Variants in IKBIP observed in about 807,000 individuals in gnomAD.
The protein encoded by IKBIP is inhibitor of nuclear factor kappa-B kinase-interacting protein.
IKBIP carries 28 observed loss-of-function variants against 31.0 expected under a neutral mutation model. The observed-to-expected ratio is 0.90, with a 90% CI of 0.67 to 1.24. The LOEUF (loss-of-function observed/expected upper bound fraction) is 1.24. IKBIP is among the 50% of genes most tolerant of loss of function. The pLI is 0.00. For missense variants in IKBIP, 453 were observed against 441.9 expected (o/e 1.03, Z -0.23); for synonymous variants, 164 against 160.3 (o/e 1.02, Z -0.17).
chr12:98,641,389 T>C (rs1294332348), intron 1 of IKBIP, among the ~76,000 whole-genome samples: 1 of 152,224 alleles, frequency 6.6e-6, no homozygotes, highest in Non-Finnish European at 1.5e-5. Context: ...CGTGTTTTAG[T>C]GGTAAAGATC....
chr12:98,635,718 GT>G (rs1201306260), intron 1 of IKBIP, among the ~76,000 whole-genome samples: 15 of 152,336 alleles, frequency 9.8e-5, no homozygotes, highest in African/African-American at 3.6e-4. Flanking sequence ...ATGTAGAAGA[GT>G]TGACTGATAA....
At chr12:98,640,258 A>C (rs1038613375) in intron 1 of IKBIP, among the ~76,000 whole-genome samples, 2 of 152,136 alleles carry the variant, frequency 1.3e-5, no homozygotes, top group Non-Finnish European at 2.9e-5. Flanking sequence ...CCAATGGAGA[A>C]ACCCTGTCTC....
At chr12:98,613,794 G>C in exon 3 of IKBIP, 1 of 1,610,392 alleles carries the variant, frequency 6.2e-7, no homozygotes, top group Non-Finnish European at 8.5e-7. Context: ...TACACCTTTG[G>C]TTTTAGATCA....
chr12:98,634,988 C>T lies in IKBIP; in HGVS notation c.180-575G>A, dbSNP rs565779551. Among the ~76,000 whole-genome samples, 327 of 150,914 alleles carry T rather than the reference C, an allele frequency of 2.2e-3. 3 individuals are homozygous for T. The highest frequency in any genetic ancestry group is 0.012 in the South Asian group (55 of 4,762). Reference sequence around the variant, plus strand: ...CCTCCCAAAGTGCTGGGATTACAGGCGTGAGCCACCACGCCCGGTATTTTT... The same window carrying T: ...CCTCCCAAAGTGCTGGGATTACAGGTGTGAGCCACCACGCCCGGTATTTTT... On this transcript the variant is annotated intron_variant, in intron 1 of 2. Transcript: ENST00000299157.
chr12:98,635,208 T>C (rs1266280708), intron 1 of IKBIP, among the ~76,000 whole-genome samples: 1 of 151,666 alleles, frequency 6.6e-6, no homozygotes, highest in African/African-American at 2.4e-5. Context: ...GGTTTCACCA[T>C]GTTGGCTAGG....
At chr12:98,637,386 A>T (rs79463079) in intron 1 of IKBIP, among the ~76,000 whole-genome samples, 11,127 of 152,254 alleles carry the variant, frequency 0.073, 558 homozygotes, top group East Asian at 0.21. Flanking sequence ...TTCATTTAAC[A>T]TTAAAGAAGA....
At chr12:98,630,357 TG>T (rs200631262) in intron 2 of IKBIP, among the ~76,000 whole-genome samples, 1,058 of 104,898 alleles carry the variant, frequency 0.01, 11 homozygotes, top group African/African-American at 0.04. Context: ...CACTCCAGCC[TG>T]GGCAACAAGA....
intron 1 of IKBIP, among the ~76,000 whole-genome samples, chr12:98,643,737 A>C (rs991718802): frequency 2.8e-4 from 42 of 152,234 alleles, no homozygotes; most frequent in African/African-American, 9.9e-4. Flanking sequence ...TAATGCATGC[A>C]CGGTGATCAA....
intron 2 of IKBIP, among the ~76,000 whole-genome samples, chr12:98,629,434 C>A (rs1405902608): frequency 6.6e-6 from 1 of 152,054 alleles, no homozygotes; most frequent in African/African-American, 2.4e-5. Flanking sequence ...TGGTGTGCGC[C>A]TGTAGTCCCA....
chr12:98,619,231 T>C (rs1223211988), intron 2 of IKBIP, among the ~76,000 whole-genome samples: 1 of 152,238 alleles, frequency 6.6e-6, no homozygotes, highest in Non-Finnish European at 1.5e-5. Flanking sequence ...GTGTATTTGA[T>C]GAAACAATCT....
At chr12:98,635,256 G>A (rs1214414057) in intron 1 of IKBIP, among the ~76,000 whole-genome samples, 2 of 151,992 alleles carry the variant, frequency 1.3e-5, no homozygotes, top group Non-Finnish European at 2.9e-5. Flanking sequence ...TGCCCGCCTT[G>A]GCCTCCCAAA....
intron 2 of IKBIP, 63 bp downstream of exon 2, chr12:98,634,233 A>C: frequency 2.5e-6 from 2 of 785,920 alleles, no homozygotes; most frequent in Non-Finnish European, 2.2e-6. Context: ...GAGCTGGGAT[A>C]GAGAAATGAT....
intron 2 of IKBIP, among the ~76,000 whole-genome samples, chr12:98,631,789 C>A (rs1017695963): frequency 1.6e-4 from 21 of 133,776 alleles, no homozygotes; most frequent in Admixed American, 4.4e-4. Flanking sequence ...TGACCTCCCC[C>A]ACAAAAAAAA....
chr12:98,627,660 G>A (rs60605049), intron 2 of IKBIP, among the ~76,000 whole-genome samples: 59 of 151,918 alleles, frequency 3.9e-4, no homozygotes, highest in African/African-American at 1.3e-3. Context: ...GGATGGTCTC[G>A]ATCCCCTGAC....
At chr12:98,638,069 G>A (rs1297800681) in intron 1 of IKBIP, among the ~76,000 whole-genome samples, 5 of 152,104 alleles carry the variant, frequency 3.3e-5, no homozygotes, top group Non-Finnish European at 5.9e-5. Flanking sequence ...TCAAGTAGAA[G>A]GAAGAAAAGA....
chr12:98,628,662 G>A (rs2097617069), intron 2 of IKBIP, among the ~76,000 whole-genome samples: 1 of 152,188 alleles, frequency 6.6e-6, no homozygotes, highest in Non-Finnish European at 1.5e-5. Flanking sequence ...GGTTCACTCT[G>A]TGCCAGCCTT....
Position 98,626,703 on chromosome 12 carries a change from C to T in IKBIP, c.361G>A (p.Glu121Lys). The T allele has an allele frequency of 6.2e-7, 1 of 1,613,820 alleles. No homozygotes were observed. The highest frequency in any genetic ancestry group is 1.1e-5 in the South Asian group (1 of 91,000). The change falls in exon 3 of 3, where the codon GAG becomes AAG. Residue 121 changes from glutamate to lysine, a missense_variant. Coordinates refer to ENST00000299157, the MANE Select transcript of IKBIP (RefSeq NM_153687.4). ...TCTTGGAGGTTGGATACTTCCTGCT[C>T]AAACTGGGTCATCAAAGACATGGAT... ...TSSMSLMTQF[E>K]QEVSNLQDIM...
intron 1 of IKBIP, among the ~76,000 whole-genome samples, chr12:98,636,117 C>T (rs1461700066): frequency 6.6e-6 from 1 of 152,210 alleles, no homozygotes; most frequent in Non-Finnish European, 1.5e-5. Flanking sequence ...AAATTCTTTG[C>T]ATATTGAGTC....
intron 2 of IKBIP, among the ~76,000 whole-genome samples, chr12:98,619,122 C>T (rs1000299152): frequency 1.9e-4 from 29 of 152,294 alleles, no homozygotes; most frequent in African/African-American, 6.5e-4. Context: ...CGAAATGTTC[C>T]TGTGGGTATG....
Sources: gnomAD v4.1 joint callset for allele counts (sites outside exome capture counted in the v4.1 genomes callset) on GRCh38, gnomAD v4.1.1 for gene constraint, MANE v1.5 for transcripts, NCBI Gene and HGNC (gene_info 2026-07-23, HGNC 2026-07-21) for gene names.